Variants in SATB1 observed in about 807,000 individuals in gnomAD.
SATB1 encodes SATB homeobox 1.
SATB1 carries 11 observed loss-of-function variants against 86.9 expected under a neutral mutation model. That is an observed-to-expected ratio of 0.13 (90% CI 0.08 to 0.21). The LOEUF (loss-of-function observed/expected upper bound fraction) is 0.21, where lower values mean the gene tolerates loss of function less well. Ranked by LOEUF, SATB1 falls within the 10% of genes least tolerant of loss-of-function variation. The pLI, the probability that SATB1 is intolerant of heterozygous loss-of-function variation, is 1.00. For missense variants in SATB1, 551 were observed against 937.6 expected, an observed-to-expected ratio of 0.59 and a Z score of 5.39; for synonymous variants, 357 against 357.2, an observed-to-expected ratio of 1.00 and a Z score of 0.01.
In SATB1 at chr3:18,382,684, C is replaced by T. The variant is rs181071307; in HGVS notation, c.1419+3715G>A. 6.4e-3 allele frequency among the ~76,000 whole-genome samples: 978 copies of T among 152,316 alleles called. 4 individuals carry two copies. Among genetic ancestry groups the T allele is most frequent in the Non-Finnish European group, 0.011 (730 of 68,016 alleles). ...TGTTCTCCCCACAATCCCAGAAATGCCATTGTCTAGTTTTCCCAACTGGAT... is the reference window on the plus strand; with the variant it reads ...TGTTCTCCCCACAATCCCAGAAATGTCATTGTCTAGTTTTCCCAACTGGAT... On this transcript the variant is annotated intron_variant, in intron 8 of 10. Coordinates refer to ENST00000338745, the MANE Select transcript of SATB1 (RefSeq NM_002971.6).
chr3:18,357,092 A>AT (rs754823331), intron 9 of SATB1, among the ~76,000 whole-genome samples: 8 of 151,868 alleles, frequency 5.3e-5, no homozygotes, highest in Non-Finnish European at 1.0e-4. Context: ...AAAAAACAGA[A>AT]TGGTAATTTG....
chr3:18,354,043 T>C (rs577809887), intron 9 of SATB1, among the ~76,000 whole-genome samples: 2 of 152,350 alleles, frequency 1.3e-5, no homozygotes, highest in African/African-American at 4.8e-5. Flanking sequence ...CTTCTAACCA[T>C]GGCAATTCTA....
At chr3:18,434,383 GTATA>G (rs530106615) in intron 2 of SATB1, among the ~76,000 whole-genome samples, 2 of 147,886 alleles carry the variant, frequency 1.4e-5, no homozygotes, top group Non-Finnish European at 3.0e-5. Context: ...GTAAGAATAA[GTATA>G]TATATATATA....
rs1575093084 is a variant in SATB1, at chr3:18,363,857, T to C, written c.1576-11662A>G. ...GATACTAAAGGTATAGTTAGTTCAATTGGAAAAAAAAATGTCTAATCTAAA... is the reference window on the plus strand; with the variant it reads ...GATACTAAAGGTATAGTTAGTTCAACTGGAAAAAAAAATGTCTAATCTAAA... On this transcript the variant is annotated intron_variant, in intron 9 of 10. Transcript: ENST00000338745. 2.0e-5 allele frequency among the ~76,000 whole-genome samples: 3 copies of C among 152,088 alleles called. No individual in the cohort carries two copies. The South Asian group carries it at 6.2e-4, about 32-fold the overall frequency.
chr3:18,375,198 G>T (rs1247686469), intron 9 of SATB1, among the ~76,000 whole-genome samples: 1 of 152,168 alleles, frequency 6.6e-6, no homozygotes, highest in African/African-American at 2.4e-5. Context: ...CTTCAGTGAT[G>T]ATGCTGCCTT....
chr3:18,425,711 G>T (rs924807356), upstream of SATB1, among the ~76,000 whole-genome samples: 1 of 151,886 alleles, frequency 6.6e-6, no homozygotes, highest in African/African-American at 2.4e-5. Flanking sequence ...ACGCGCCAGG[G>T]AGGGCGCAGA....
chr3:18,351,227 G>A (rs150938845), intron 10 of SATB1: 2 of 1,115,122 alleles, frequency 1.8e-6, no homozygotes, highest in Non-Finnish European at 2.6e-6. Context: ...GCCTTTACAG[G>A]TTTGAAAATC....
intron 9 of SATB1, among the ~76,000 whole-genome samples, chr3:18,361,491 G>A (rs1381079774): frequency 1.3e-5 from 2 of 152,082 alleles, no homozygotes; most frequent in Non-Finnish European, 2.9e-5. Context: ...TCTGAACCAA[G>A]CATCTTCCCC....
At chr3:18,428,703 T>A (rs865983985), upstream of SATB1, among the ~76,000 whole-genome samples, 70 of 152,352 alleles carry the variant, frequency 4.6e-4, no homozygotes, top group Admixed American at 1.7e-3. Context: ...GATGCACATT[T>A]AAAACAGAGT....
chr3:18,410,135 A>C (rs750865183), intron 5 of SATB1, among the ~76,000 whole-genome samples: 1 of 152,082 alleles, frequency 6.6e-6, no homozygotes, highest in Non-Finnish European at 1.5e-5. Flanking sequence ...TTGATATGAC[A>C]GCAATGTACT....
intron 9 of SATB1, among the ~76,000 whole-genome samples, chr3:18,359,163 T>G (rs1694791856): frequency 6.6e-6 from 1 of 152,040 alleles, no homozygotes; most frequent in Non-Finnish European, 1.5e-5. Flanking sequence ...GTATTTATGT[T>G]TACCTCTTCT....
exon 1 of SATB1, chr3:18,445,559 C>T: frequency 3.1e-6 from 3 of 982,146 alleles, no homozygotes; most frequent in Non-Finnish European, 3.6e-6. Flanking sequence ...CCTCTTGTCG[C>T]CTGCGGCTTC....
Position 18,369,532 on chromosome 3 carries a change from A to T in SATB1, c.1575+8638T>A, listed in dbSNP as rs1029080173. Among the ~76,000 whole-genome samples the T allele has an allele frequency of 2.0e-5, 3 of 151,930 alleles. No homozygotes were observed. The East Asian group carries it at 5.8e-4, about 29-fold the overall frequency. On this transcript the variant is annotated intron_variant, in intron 9 of 10. Transcript: ENST00000338745. ...AAGAACATCTTACACACACATACAT[A>T]CCCCAACCCTTAAAAAAAAGGGGGG...
At chr3:18,397,443 T>A (rs1697021228) in intron 5 of SATB1, among the ~76,000 whole-genome samples, 153 bp from the exon 6 acceptor site, 1 of 152,158 alleles carries the variant, frequency 6.6e-6, no homozygotes. Context: ...GACTTCTTAA[T>A]ATTCATTAAG....
chr3:18,411,128 A>G (rs1230600441), intron 5 of SATB1: 1 of 366,212 alleles, frequency 2.7e-6, no homozygotes, highest in Non-Finnish European at 4.8e-6. Flanking sequence ...AATTTATTTT[A>G]TATATATTTT....
At position 18,386,763 on chromosome 3, in the gene SATB1, A is replaced by G; in HGVS notation, c.1207-152T>C. 2 of 618,928 alleles carry G rather than the reference A, an allele frequency of 3.2e-6. No individual in the cohort carries two copies. 38.3% of individuals were successfully genotyped at this position (618,928 alleles called of 1,614,324 possible). ...ATATATTAGTTACAACTGAAGTGGT[A>G]GAGAAGAGAGCCTCAATTGTATTCT... On this transcript the variant is annotated intron_variant, in intron 7 of 10. Coordinates refer to ENST00000338745, the MANE Select transcript of SATB1 (RefSeq NM_002971.6). The surrounding 1 kb of genome is among the most constrained non-coding windows in gnomAD (Gnocchi z 4.5).
At chr3:18,389,268 T>C (rs1696507881) in intron 7 of SATB1, among the ~76,000 whole-genome samples, 1 of 151,276 alleles carries the variant, frequency 6.6e-6, no homozygotes, top group Non-Finnish European at 1.5e-5. Context: ...TGGGTTTTTT[T>C]TTTTTTTTTT....
intron 9 of SATB1, among the ~76,000 whole-genome samples, chr3:18,373,009 T>C (rs1290791423): frequency 6.6e-6 from 1 of 152,212 alleles, no homozygotes; most frequent in Non-Finnish European, 1.5e-5. Flanking sequence ...ACTGTCTTAC[T>C]TGTCTTCTTG....
At chr3:18,382,663 C>T (rs1035380373) in intron 8 of SATB1, among the ~76,000 whole-genome samples, 4 of 152,190 alleles carry the variant, frequency 2.6e-5, no homozygotes, top group Non-Finnish European at 4.4e-5. Context: ...AGGGGCTGTT[C>T]TCCCCACAAT....
Sources: gnomAD v4.1 joint callset for allele counts (sites outside exome capture counted in the v4.1 genomes callset) on GRCh38, gnomAD v4.1.1 for gene constraint, Gnocchi (gnomAD v3.1) non-coding constraint, MANE v1.5 for transcripts, NCBI Gene and HGNC (gene_info 2026-07-23, HGNC 2026-07-21) for gene names.